NPR3: variants seen among roughly 807,000 people sequenced by gnomAD.
NPR3 encodes the protein atrial natriuretic peptide receptor 3.
In NPR3, 34 loss-of-function variants were observed where a neutral mutation model predicts 54.5. The observed-to-expected ratio is 0.62, with a 90% CI of 0.47 to 0.83. The LOEUF is 0.83. Among genes scored for constraint, NPR3 ranks in the 40% least tolerant of loss-of-function variants. NPR3 has a pLI of 0.00. For synonymous variants in NPR3, 289 were observed against 297.1 expected (o/e 0.97, Z 0.28); for missense variants, 674 against 720.8 (o/e 0.94, Z 0.74).
chr5:32,773,671 C>T, intron 3 of NPR3, among the ~76,000 whole-genome samples: 1 of 152,162 alleles, frequency 6.6e-6, no homozygotes, highest in Non-Finnish European at 1.5e-5. Flanking sequence ...CCTTCTCCAA[C>T]CCATCAGATT....
chr5:32,757,538 A>G lies in NPR3; in HGVS notation c.1060-17170A>G, dbSNP rs148545583. ...GTTTTTCTAAATATACAGTCATGTC[A>G]TCTGCAAACAGGGACAGTTTGACTT... On this transcript the variant is annotated intron_variant, in intron 3 of 7. Transcript: ENST00000265074. Among the ~76,000 whole-genome samples the G allele has an allele frequency of 4.6e-5, 7 of 152,140 alleles. No homozygotes were observed. The South Asian group carries it at 1.5e-3, about 32-fold the overall frequency.
intron 2 of NPR3, among the ~76,000 whole-genome samples, chr5:32,728,485 CTT>C (rs958055246): frequency 7.0e-6 from 1 of 143,206 alleles, no homozygotes. Flanking sequence ...AAAAAAGAGT[CTT>C]TTTCTTGGGA....
At chr5:32,707,611 G>A (rs114209904), upstream of NPR3, among the ~76,000 whole-genome samples, 417 of 152,212 alleles carry the variant, frequency 2.7e-3, 2 homozygotes, top group African/African-American at 9.4e-3. Flanking sequence ...AACAATTCTG[G>A]CCTCAGAAGG....
intron 1 of NPR3, among the ~76,000 whole-genome samples, chr5:32,719,785 G>GTTT (rs201377152): frequency 9.9e-5 from 9 of 91,142 alleles, no homozygotes; most frequent in African/African-American, 2.1e-4. Context: ...CTATGTTGTT[G>GTTT]TTGTTTTTTT....
intron 3 of NPR3, among the ~76,000 whole-genome samples, chr5:32,763,761 C>T (rs978955439): frequency 1.3e-5 from 2 of 152,068 alleles, no homozygotes; most frequent in Non-Finnish European, 2.9e-5. Context: ...CTCCAGCCCC[C>T]GCATGTCCAG....
intron 7 of NPR3, 108 bp downstream of exon 7, chr5:32,784,991 G>A (rs190635028): frequency 2.3e-4 from 209 of 907,562 alleles, no homozygotes; most frequent in Middle Eastern, 2.0e-3. Context: ...CACCCAGGAA[G>A]CACGGTGGTT....
chr5:32,735,578 C>T (rs184349736), intron 2 of NPR3, among the ~76,000 whole-genome samples: 1 of 152,180 alleles, frequency 6.6e-6, no homozygotes, highest in East Asian at 1.9e-4. Flanking sequence ...ATAACCTTCC[C>T]TAACCTCTTG....
intron 2 of NPR3, among the ~76,000 whole-genome samples, chr5:32,733,953 C>T (rs1739595387): frequency 1.3e-5 from 2 of 152,190 alleles, no homozygotes; most frequent in Admixed American, 1.3e-4. Context: ...CATTTATTAG[C>T]TAAACGACTT....
In NPR3 at chr5:32,717,314, C is replaced by T. The variant is rs573784062; in HGVS notation, c.769+4769C>T. ...TGTGAATAGTGCCGCAATAAATATA[C>T]GTGTGCATGTGTCTTTATAGTAGCA... On this transcript the variant is annotated intron_variant, in intron 1 of 7. Coordinates refer to ENST00000265074, the MANE Select transcript of NPR3 (RefSeq NM_001204375.2). Among the ~76,000 whole-genome samples the T allele has an allele frequency of 8.1e-4, 123 of 152,208 alleles. 1 individual carries two copies. Among genetic ancestry groups the T allele is most frequent in the African/African-American group, 2.5e-3 (102 of 41,540 alleles).
chr5:32,714,022 T>G (rs1402325994), intron 1 of NPR3, among the ~76,000 whole-genome samples: 1 of 152,186 alleles, frequency 6.6e-6, no homozygotes, highest in Non-Finnish European at 1.5e-5. Context: ...AACCCACATC[T>G]ACACTCCCAA....
At chr5:32,756,267 G>T (rs1021473009) in intron 3 of NPR3, among the ~76,000 whole-genome samples, 1 of 152,162 alleles carries the variant, frequency 6.6e-6, no homozygotes, top group Non-Finnish European at 1.5e-5. Flanking sequence ...AGCACCTGTT[G>T]TTTCCTGACT....
At position 32,780,141 on chromosome 5, in the gene NPR3, G is replaced by A. The variant is rs187984536; in HGVS notation, c.1196-581G>A. ...CTGCAGCACTAATTCAGTACTAAGC[G>A]TCCAGAGAATGTTTGGATAAACAAT... On this transcript the variant is annotated intron_variant, in intron 4 of 7. Coordinates refer to ENST00000265074, the MANE Select transcript of NPR3 (RefSeq NM_001204375.2). Among the ~76,000 whole-genome samples, 80 of 152,274 alleles carry A rather than the reference G, an allele frequency of 5.3e-4. 1 individual carries two copies. The highest frequency in any genetic ancestry group is 1.9e-3 in the African/African-American group (77 of 41,550).
At chr5:32,730,491 A>G (rs924806612) in intron 2 of NPR3, among the ~76,000 whole-genome samples, 2 of 152,208 alleles carry the variant, frequency 1.3e-5, no homozygotes, top group African/African-American at 4.8e-5. Flanking sequence ...AGGGCAAGAA[A>G]TGAAAATAAA....
intron 7 of NPR3, among the ~76,000 whole-genome samples, chr5:32,785,613 G>A (rs989450301): frequency 2.0e-4 from 31 of 152,160 alleles, no homozygotes; most frequent in East Asian, 3.9e-4. Context: ...GGAGCTTTGC[G>A]TAGCCCATGC....
chr5:32,760,546 G>T (rs1006801662), intron 3 of NPR3, among the ~76,000 whole-genome samples: 1 of 151,906 alleles, frequency 6.6e-6, no homozygotes, highest in Non-Finnish European at 1.5e-5. Context: ...TCTTTTTATT[G>T]TTGTTTGAAA....
chr5:32,759,769 C>T (rs1339708700), intron 3 of NPR3, among the ~76,000 whole-genome samples: 1 of 152,160 alleles, frequency 6.6e-6, no homozygotes, highest in Admixed American at 6.5e-5. Context: ...ATGTTTAGTG[C>T]TTCCTTCAGG....
chr5:32,762,321 G>T (rs1046806391), intron 3 of NPR3, among the ~76,000 whole-genome samples: 4 of 151,688 alleles, frequency 2.6e-5, no homozygotes, highest in Non-Finnish European at 5.9e-5. Context: ...TAGTGGGATT[G>T]CTAGGTCAAA....
intron 4 of NPR3, among the ~76,000 whole-genome samples, chr5:32,777,030 GTC>G (rs1461015563): frequency 3.3e-5 from 5 of 152,162 alleles, no homozygotes; most frequent in African/African-American, 7.2e-5. Context: ...ACTGTGGAGT[GTC>G]CCCAGAGAGA....
At chr5:32,750,521 G>A (rs1373001658) in intron 3 of NPR3, among the ~76,000 whole-genome samples, 1 of 152,038 alleles carries the variant, frequency 6.6e-6, no homozygotes, top group Non-Finnish European at 1.5e-5. Context: ...ATTTCATTTT[G>A]GTGGGGATTT....
Sources: allele counts gnomAD v4.1 joint callset (sites outside exome capture counted in the v4.1 genomes callset), GRCh38; gene constraint gnomAD v4.1.1; transcripts MANE v1.5; gene names NCBI Gene and HGNC (gene_info 2026-07-23, HGNC 2026-07-21).